CDKAL1: variants seen among roughly 807,000 people sequenced by gnomAD.
CDKAL1 encodes CDKAL1 threonylcarbamoyladenosine tRNA methylthiotransferase.
A neutral mutation model predicts 68.2 loss-of-function variants in CDKAL1; 32 were observed. The ratio of observed to expected loss-of-function variants is 0.47; its 90% CI spans 0.35 to 0.63. CDKAL1 has a LOEUF of 0.63. Among genes scored for constraint, CDKAL1 ranks in the 30% least tolerant of loss-of-function variants. The pLI, the probability that CDKAL1 is intolerant of heterozygous loss-of-function variation, is 0.00. For missense variants in CDKAL1, 606 were observed against 696.7 expected (o/e 0.87, Z 1.47); for synonymous variants, 234 against 244.3 (o/e 0.96, Z 0.39).
At chr6:21,207,906 T>A (rs189540626) in intron 15 of CDKAL1, among the ~76,000 whole-genome samples, 1 of 152,352 alleles carries the variant, frequency 6.6e-6, no homozygotes, top group African/African-American at 2.4e-5. Context: ...CCAGACCAAC[T>A]GCTGAGATTC....
chr6:20,769,321 C>T (rs1774837398), intron 7 of CDKAL1, among the ~76,000 whole-genome samples: 1 of 133,200 alleles, frequency 7.5e-6, no homozygotes, highest in Non-Finnish European at 1.5e-5. Context: ...TGCAGTGGTG[C>T]GATCTTGGCT....
Position 21,008,876 on chromosome 6 carries a change from C to T in CDKAL1, c.1055+8504C>T, listed in dbSNP as rs574551687. Among the ~76,000 whole-genome samples the T allele has an allele frequency of 2.1e-4, 32 of 152,260 alleles. No homozygotes were observed. The East Asian group carries it at 5.2e-3, about 25-fold the overall frequency. ...TCTGTTTTAATTAAAGTTCTCTTTT[C>T]GTAGACAAGAAAATCCTCTTCTCTT... is the stretch of plus-strand genomic sequence containing the variant. On this transcript the variant is annotated intron_variant, in intron 11 of 15. Coordinates refer to ENST00000274695, the MANE Select transcript of CDKAL1 (RefSeq NM_017774.3).
Position 21,129,138 on chromosome 6 carries a change from A to G in CDKAL1, c.1299+20675A>G, listed in dbSNP as rs938240306. ...ATTGGCACAGTGCTCTGAATGTAGT[A>G]AGCACTTAATAAATGTTAGTTGTTA... is the stretch of plus-strand genomic sequence containing the variant. On this transcript the variant is annotated intron_variant, in intron 13 of 15. Coordinates refer to ENST00000274695, the MANE Select transcript of CDKAL1 (RefSeq NM_017774.3). Among the ~76,000 whole-genome samples the G allele has an allele frequency of 2.0e-5, 3 of 152,226 alleles. No individual in the cohort carries two copies. The East Asian group carries it at 5.8e-4, about 29-fold the overall frequency.
At chr6:20,667,889 A>G (rs1205152065) in intron 5 of CDKAL1, among the ~76,000 whole-genome samples, 1 of 152,126 alleles carries the variant, frequency 6.6e-6, no homozygotes, top group African/African-American at 2.4e-5. Context: ...TTTTTGGTGT[A>G]TGTGATTTTC....
chr6:20,658,323 T>C (rs1769123952), intron 5 of CDKAL1, among the ~76,000 whole-genome samples: 1 of 152,216 alleles, frequency 6.6e-6, no homozygotes, highest in African/African-American at 2.4e-5. Context: ...TCACTTGTTT[T>C]TAACTGCCTT....
At chr6:20,877,483 C>A (rs1414635270) in intron 9 of CDKAL1, among the ~76,000 whole-genome samples, 1 of 152,222 alleles carries the variant, frequency 6.6e-6, no homozygotes, top group Non-Finnish European at 1.5e-5. Flanking sequence ...GTATACCTAT[C>A]TGACCATTAT....
intron 4 of CDKAL1, among the ~76,000 whole-genome samples, chr6:20,588,146 A>T (rs1293729648): frequency 6.6e-6 from 1 of 152,110 alleles, no homozygotes; most frequent in East Asian, 1.9e-4. Flanking sequence ...ACCAAACAAA[A>T]AATTGTTGCT....
chr6:20,568,432 A>G (rs1199346283), intron 4 of CDKAL1, among the ~76,000 whole-genome samples: 2 of 151,988 alleles, frequency 1.3e-5, no homozygotes, highest in Non-Finnish European at 2.9e-5. Context: ...AGGTAAATAA[A>G]GTACTATATT....
intron 5 of CDKAL1, among the ~76,000 whole-genome samples, chr6:20,677,532 C>T (rs1014174447): frequency 6.6e-6 from 1 of 152,106 alleles, no homozygotes; most frequent in African/African-American, 2.4e-5. Context: ...GATTCTCCTG[C>T]GTCAGCCTCC....
chr6:20,690,456 A>G (rs953912370), intron 5 of CDKAL1, among the ~76,000 whole-genome samples: 5 of 152,138 alleles, frequency 3.3e-5, no homozygotes, highest in Non-Finnish European at 7.4e-5. Context: ...ATATTTTTCA[A>G]CACTGTTCTC....
chr6:20,683,918 G>T (rs1294636376), intron 5 of CDKAL1, among the ~76,000 whole-genome samples: 1 of 152,100 alleles, frequency 6.6e-6, no homozygotes, highest in Non-Finnish European at 1.5e-5. Flanking sequence ...TGTCTCCACT[G>T]TTTTATATTT....
intron 6 of CDKAL1, among the ~76,000 whole-genome samples, chr6:20,754,654 T>A (rs1270558467): frequency 6.6e-6 from 1 of 152,232 alleles, no homozygotes; most frequent in Non-Finnish European, 1.5e-5. Context: ...TGTCTTTTTA[T>A]TATTGAGTTG....
rs544538112 is a variant in CDKAL1, at chr6:20,593,081, T to C, written c.286+44376T>C. 4.6e-5 allele frequency among the ~76,000 whole-genome samples: 7 copies of C among 152,336 alleles called. No homozygotes were observed. The East Asian group carries it at 1.4e-3, about 29-fold the overall frequency. On this transcript the variant is annotated intron_variant, in intron 4 of 15. Coordinates refer to ENST00000274695, the MANE Select transcript of CDKAL1 (RefSeq NM_017774.3). ...CTGGTTTTGGTTTGCCAGTATTTTA[T>C]TGAGGATTTTTGCATCAATGTTCAT... is the stretch of plus-strand genomic sequence containing the variant.
intron 9 of CDKAL1, among the ~76,000 whole-genome samples, chr6:20,911,338 A>G (rs1342672762): frequency 1.3e-5 from 2 of 152,244 alleles, no homozygotes; most frequent in Non-Finnish European, 2.9e-5. Flanking sequence ...CTTCTAGACA[A>G]GAAAGATGCC....
At chr6:21,176,622 C>T (rs975097257) in intron 13 of CDKAL1, among the ~76,000 whole-genome samples, 11 of 149,928 alleles carry the variant, frequency 7.3e-5, no homozygotes, top group Admixed American at 2.0e-4. Context: ...CACAAGGCAG[C>T]TTAGGCAAAG....
chr6:20,546,485 A>T lies in CDKAL1; in HGVS notation c.135A>T (p.Lys45Asn), dbSNP rs780964660. 1.9e-6 allele frequency: 3 copies of T among 1,614,024 alleles called. No individual in the cohort carries two copies. Among genetic ancestry groups the T allele is most frequent in the Non-Finnish European group, 2.5e-6 (3 of 1,180,014 alleles). ...VPKVRRRNTQ[K>N]YLQEEENSPP... is the part of the protein sequence containing the mutation. ...AGGTACGAAGGCGAAATACCCAAAA[A>T]TATTTGCAAGAGGAAGAAAACAGTC... The change falls in exon 3 of 16, where the codon AAA becomes AAT. Residue 45 changes from lysine (K) to asparagine (N), a missense_variant. By Grantham distance (94) the Lys-to-Asn change is moderately conservative. Coordinates refer to ENST00000274695, the MANE Select transcript of CDKAL1 (RefSeq NM_017774.3).
intron 10 of CDKAL1, among the ~76,000 whole-genome samples, chr6:20,981,430 A>G (rs1766138374): frequency 6.6e-6 from 1 of 152,206 alleles, no homozygotes; most frequent in Non-Finnish European, 1.5e-5. Flanking sequence ...TAAGTCTTAG[A>G]TACCCCTTGC....
At position 21,006,523 on chromosome 6, in the gene CDKAL1, T is replaced by G. The variant is rs78183260; in HGVS notation, c.1055+6151T>G. ...AGGTCGTGTTCACTGTTTTTATCTT[T>G]TGCCAAATTTCTTTCTGAGGTAGTG... On this transcript the variant is annotated intron_variant, in intron 11 of 15. Coordinates refer to ENST00000274695, the MANE Select transcript of CDKAL1 (RefSeq NM_017774.3). Among the ~76,000 whole-genome samples, 619 of 152,342 alleles carry G rather than the reference T, an allele frequency of 4.1e-3. 6 individuals are homozygous for G. Among genetic ancestry groups the G allele is most frequent in the African/African-American group, 0.014 (591 of 41,572 alleles).
chr6:20,908,092 G>A (rs930316558), intron 9 of CDKAL1, among the ~76,000 whole-genome samples: 1 of 152,136 alleles, frequency 6.6e-6, no homozygotes, highest in African/African-American at 2.4e-5. Context: ...CCTTACCAGC[G>A]AAGGGCCTTC....
Sources: allele counts gnomAD v4.1 joint callset (sites outside exome capture counted in the v4.1 genomes callset), GRCh38; gene constraint gnomAD v4.1.1; transcripts MANE v1.5; gene names NCBI Gene and HGNC (gene_info 2026-07-23, HGNC 2026-07-21).